The following ZNF385D variants were observed in gnomAD, a reference collection of about 807,000 sequenced individuals.
The protein encoded by ZNF385D is zinc finger protein 385D, also known as zinc finger protein 659.
Under a neutral mutation model 35.8 loss-of-function variants are expected in ZNF385D, and 15 were observed. The observed-to-expected ratio is 0.42, with a 90% CI of 0.28 to 0.64. ZNF385D has a LOEUF of 0.64. Among genes scored for constraint, ZNF385D ranks in the 30% least tolerant of loss-of-function variants. The probability of loss-of-function intolerance (pLI) is 0.23; values close to 1 mark genes in which losing one functional copy is unlikely to be tolerated. For missense variants in ZNF385D, 474 were observed against 494.6 expected (o/e 0.96, Z 0.39); for synonymous variants, 212 against 186.8 (o/e 1.13, Z -1.10).
Position 22,255,788 on chromosome 3 carries a change from C to A in ZNF385D, c.107-86753G>T, listed in dbSNP as rs144947948. 4.1e-4 allele frequency among the ~76,000 whole-genome samples: 56 copies of A among 135,500 alleles called. 1 individual carries two copies. Among genetic ancestry groups the A allele is most frequent in the African/African-American group, 1.5e-3 (55 of 37,286 alleles). The allele number at this position is 135,500 out of a possible 152,430, so 88.9% of individuals were successfully genotyped here. A position where few individuals can be genotyped will look rare whatever the true frequency, so the allele number is the denominator to read the frequency against. ...GAGTTTAAATTTCATATCCTTAACT[C>A]AGTTTTTTTTTTTTTAGTTGGGACT... On this transcript the variant is annotated intron_variant, in intron 2 of 5. Transcript: ENST00000494108.
intron 2 of ZNF385D, among the ~76,000 whole-genome samples, chr3:22,178,794 T>C (rs1057225694): frequency 6.6e-6 from 1 of 152,260 alleles, no homozygotes; most frequent in African/African-American, 2.4e-5. Flanking sequence ...GTTTCAGCTT[T>C]CTACATATGG....
intron 2 of ZNF385D, among the ~76,000 whole-genome samples, chr3:21,588,912 C>T (rs1271518435): frequency 2.0e-5 from 3 of 152,172 alleles, no homozygotes; most frequent in African/African-American, 7.2e-5. Context: ...TATGCTCATA[C>T]ATCCACTCAC....
chr3:21,764,124 C>T (rs945081404), intron 3 of ZNF385D, among the ~76,000 whole-genome samples: 14 of 151,994 alleles, frequency 9.2e-5, no homozygotes, highest in Admixed American at 3.9e-4. Flanking sequence ...ATAAAGAACG[C>T]GGTTGATTTG....
intron 3 of ZNF385D, among the ~76,000 whole-genome samples, chr3:21,800,729 C>T (rs757147988): frequency 6.6e-6 from 1 of 152,060 alleles, no homozygotes; most frequent in Non-Finnish European, 1.5e-5. Flanking sequence ...TATAAAAATA[C>T]AGTTGTCTTT....
At chr3:21,631,030 G>T (rs2065266494) in intron 2 of ZNF385D, among the ~76,000 whole-genome samples, 1 of 152,094 alleles carries the variant, frequency 6.6e-6, no homozygotes, top group African/African-American at 2.4e-5. Context: ...TCATATGAGG[G>T]AATGTTCTAA....
intron 3 of ZNF385D, among the ~76,000 whole-genome samples, chr3:22,156,668 G>T (rs1279573601): frequency 6.6e-6 from 1 of 152,006 alleles, no homozygotes; most frequent in African/African-American, 2.4e-5. Flanking sequence ...TGCCGACTGA[G>T]GTATGTAAAC....
intron 2 of ZNF385D, 146 bp from the exon 3 acceptor site, chr3:21,564,830 ATT>A (rs1330542135): frequency 1.9e-5 from 8 of 417,744 alleles, no homozygotes; most frequent in Non-Finnish European, 3.4e-5. Flanking sequence ...AAGAAACAAC[ATT>A]TTTACTTTCT....
intron 3 of ZNF385D, among the ~76,000 whole-genome samples, chr3:22,037,202 T>C (rs1698381702): frequency 6.6e-6 from 1 of 150,462 alleles, no homozygotes; most frequent in Non-Finnish European, 1.5e-5. Context: ...AGCAGCATGT[T>C]TTATAATCCT....
intron 3 of ZNF385D, among the ~76,000 whole-genome samples, chr3:21,551,985 CTAT>C (rs796144762): frequency 2.8e-4 from 42 of 152,224 alleles, no homozygotes; most frequent in African/African-American, 8.9e-4. Flanking sequence ...GAACTACAAA[CTAT>C]TATTTTCATT....
chr3:22,131,703 C>A (rs1703804046), intron 3 of ZNF385D, among the ~76,000 whole-genome samples: 1 of 152,132 alleles, frequency 6.6e-6, no homozygotes, highest in African/African-American at 2.4e-5. Context: ...CAGATCCAGG[C>A]AGCTAGGGAG....
intron 2 of ZNF385D, among the ~76,000 whole-genome samples, chr3:22,360,718 A>T (rs1696371482): frequency 6.6e-6 from 1 of 151,980 alleles, no homozygotes; most frequent in Non-Finnish European, 1.5e-5. Flanking sequence ...GTGTTGACAT[A>T]CATTGTCTCA....
intron 2 of ZNF385D, among the ~76,000 whole-genome samples, chr3:22,173,386 AAT>A (rs1694598102): frequency 6.6e-6 from 1 of 152,228 alleles, no homozygotes; most frequent in Non-Finnish European, 1.5e-5. Context: ...AGATATCGAC[AAT>A]AGAGAAAATT....
chr3:21,860,279 A>G (rs1418669157), intron 3 of ZNF385D, among the ~76,000 whole-genome samples: 1 of 152,130 alleles, frequency 6.6e-6, no homozygotes, highest in Non-Finnish European at 1.5e-5. Flanking sequence ...GTCTCACTGC[A>G]ATTCAAAACA....
intron 2 of ZNF385D, among the ~76,000 whole-genome samples, chr3:22,317,276 T>G: frequency 3.5e-5 from 1 of 28,616 alleles, no homozygotes; most frequent in Non-Finnish European, 6.2e-5. Flanking sequence ...TGAAACTCCA[T>G]CTCCAAAAAA....
intron 3 of ZNF385D, among the ~76,000 whole-genome samples, chr3:22,005,442 C>T (rs143721758): frequency 1.3e-5 from 2 of 151,948 alleles, no homozygotes; most frequent in African/African-American, 4.8e-5. Context: ...CGCAGGGTAA[C>T]TATTTTTAAC....
intron 3 of ZNF385D, among the ~76,000 whole-genome samples, chr3:21,877,286 C>T (rs1042362559): frequency 1.3e-5 from 2 of 152,046 alleles, no homozygotes; most frequent in African/African-American, 4.8e-5. Flanking sequence ...TGTACCCAAA[C>T]ATCGATTACA....
chr3:21,464,296 T>C (rs1358492004), intron 4 of ZNF385D, among the ~76,000 whole-genome samples: 1 of 152,322 alleles, frequency 6.6e-6, no homozygotes, highest in African/African-American at 2.4e-5. Flanking sequence ...TATTCTCAAA[T>C]GGAAAACAAA....
intron 3 of ZNF385D, among the ~76,000 whole-genome samples, chr3:22,002,527 T>A (rs1695905177): frequency 6.6e-6 from 1 of 152,124 alleles, no homozygotes; most frequent in Non-Finnish European, 1.5e-5. Context: ...AAAACTCTTC[T>A]CTATCTATTC....
intron 2 of ZNF385D, among the ~76,000 whole-genome samples, chr3:22,271,903 ATT>A (rs1174362101): frequency 6.6e-6 from 1 of 152,024 alleles, no homozygotes. Flanking sequence ...AACAATACGC[ATT>A]CAGTAGAAAC....
Sources: gnomAD v4.1 joint callset for allele counts (sites outside exome capture counted in the v4.1 genomes callset) on GRCh38, gnomAD v4.1.1 for gene constraint, MANE v1.5 for transcripts, NCBI Gene and HGNC (gene_info 2026-07-23, HGNC 2026-07-21) for gene names.